Variants in SCLT1 observed in about 807,000 individuals in gnomAD.
SCLT1 encodes the protein sodium channel-associated protein 1.
A neutral mutation model predicts 112.8 loss-of-function variants in SCLT1; 78 were observed. The ratio of observed to expected loss-of-function variants is 0.69; its 90% CI spans 0.58 to 0.83. The LOEUF (loss-of-function observed/expected upper bound fraction) is 0.83, where lower values mean the gene tolerates loss of function less well. SCLT1 is among the 40% of genes least tolerant of loss of function. The pLI is 0.00. For synonymous variants in SCLT1, 257 were observed against 254.7 expected, an observed-to-expected ratio of 1.01 and a Z score of -0.09; for missense variants, 747 against 770.4, an observed-to-expected ratio of 0.97 and a Z score of 0.36.
At chr4:129,079,731 A>G (rs901576303) in intron 2 of SCLT1, among the ~76,000 whole-genome samples, 1 of 152,254 alleles carries the variant, frequency 6.6e-6, no homozygotes. Context: ...GGCAGTGTCC[A>G]GTGTGGATTC....
rs933970851 is a variant in SCLT1, at chr4:129,088,387, C to G, written c.34+4683G>C. Reference sequence around the variant, plus strand: ...AGGAACATTCTCAACATAAGAACGTCTATGAAAAACCTACAACTAGTATCA... The same window carrying G: ...AGGAACATTCTCAACATAAGAACGTGTATGAAAAACCTACAACTAGTATCA... On this transcript the variant is annotated intron_variant, in intron 1 of 20. Transcript: ENST00000281142. Among the ~76,000 whole-genome samples the G allele has an allele frequency of 8.5e-5, 13 of 152,260 alleles. No individual in the cohort carries two copies. In the South Asian group the frequency reaches 2.3e-3, roughly 27 times the overall value.
At chr4:128,881,378 T>G (rs975728516), downstream of SCLT1, among the ~76,000 whole-genome samples, 19 of 152,338 alleles carry the variant, frequency 1.2e-4, no homozygotes, top group Non-Finnish European at 2.2e-4. Context: ...TTTCTTGATT[T>G]GAGAGTTGGT....
At chr4:128,961,340 T>G (rs2126017222) in intron 11 of SCLT1, among the ~76,000 whole-genome samples, 1 of 152,286 alleles carries the variant, frequency 6.6e-6, no homozygotes, top group East Asian at 1.9e-4. Context: ...ATTTAAATAC[T>G]CCTATTATCA....
chr4:129,053,302 T>C (rs1019638052), intron 2 of SCLT1, among the ~76,000 whole-genome samples: 34 of 152,140 alleles, frequency 2.2e-4, no homozygotes, highest in African/African-American at 8.0e-4. Flanking sequence ...TTCTGTCTTA[T>C]CGATCTGTCT....
intron 5 of SCLT1, among the ~76,000 whole-genome samples, chr4:129,006,662 G>A (rs1409868295): frequency 6.6e-6 from 1 of 151,942 alleles, no homozygotes; most frequent in African/African-American, 2.4e-5. Context: ...TTCATACAAA[G>A]GAAGGACTAC....
chr4:129,072,102 G>A (rs1378207823), intron 2 of SCLT1, among the ~76,000 whole-genome samples: 1 of 152,038 alleles, frequency 6.6e-6, no homozygotes, highest in Non-Finnish European at 1.5e-5. Flanking sequence ...TAAAATCTTG[G>A]CTGATAATTG....
chr4:128,899,202 C>G (rs548466803), intron 18 of SCLT1, among the ~76,000 whole-genome samples: 2 of 152,278 alleles, frequency 1.3e-5, no homozygotes, highest in African/African-American at 2.4e-5. Context: ...GATACCAAAG[C>G]CTGGCAGAGA....
Position 129,049,963 on chromosome 4 carries a change from C to T in SCLT1, c.103-5912G>A, listed in dbSNP as rs147320779. Among the ~76,000 whole-genome samples the T allele has an allele frequency of 7.2e-5, 11 of 152,236 alleles. No homozygotes were observed. In the East Asian group the frequency reaches 2.1e-3, roughly 29 times the overall value. ...GTCCCTGTGTTGTCATTGTTCAACTCCCACTTATGAGTGAAAACATGCAGT... is the reference window on the plus strand; with the variant it reads ...GTCCCTGTGTTGTCATTGTTCAACTTCCACTTATGAGTGAAAACATGCAGT... On this transcript the variant is annotated intron_variant, in intron 2 of 20. Transcript: ENST00000281142.
At chr4:128,958,966 T>C (rs1192905627) in intron 12 of SCLT1, among the ~76,000 whole-genome samples, 2 of 152,128 alleles carry the variant, frequency 1.3e-5, no homozygotes, top group Non-Finnish European at 2.9e-5. Flanking sequence ...AGGCATTCGA[T>C]GAATGTTGGT....
intron 1 of SCLT1, among the ~76,000 whole-genome samples, chr4:129,083,315 G>A (rs72926084): frequency 0.014 from 2,194 of 151,646 alleles, 48 homozygotes; most frequent in African/African-American, 0.044. Flanking sequence ...GCAATCACAC[G>A]TTCTTTTCAA....
At chr4:129,050,064 T>G (rs1004724645) in intron 2 of SCLT1, among the ~76,000 whole-genome samples, 1 of 152,198 alleles carries the variant, frequency 6.6e-6, no homozygotes, top group East Asian at 1.9e-4. Flanking sequence ...GCAAAGCACA[T>G]GAACTCATTC....
intron 5 of SCLT1, chr4:129,037,248 C>A (rs534854868): frequency 6.6e-6 from 1 of 152,056 alleles, no homozygotes; most frequent in East Asian, 1.9e-4. Flanking sequence ...GTTGTATGAA[C>A]CACTGGCACT....
chr4:129,080,837 GA>G (rs1425438144), intron 2 of SCLT1, among the ~76,000 whole-genome samples: 1 of 151,988 alleles, frequency 6.6e-6, no homozygotes, highest in Non-Finnish European at 1.5e-5. Flanking sequence ...AATTTATAAA[GA>G]AAAAAAGGTT....
At chr4:128,967,248 A>G (rs1432600814) in intron 10 of SCLT1, among the ~76,000 whole-genome samples, 3 of 152,138 alleles carry the variant, frequency 2.0e-5, no homozygotes, top group Non-Finnish European at 4.4e-5. Context: ...TTCTTTATCC[A>G]GTCTGCTGCT....
At chr4:129,035,131 G>T (rs1747070142) in intron 5 of SCLT1, among the ~76,000 whole-genome samples, 1 of 152,096 alleles carries the variant, frequency 6.6e-6, no homozygotes, top group African/African-American at 2.4e-5. Flanking sequence ...TATAGTTCCA[G>T]ATTTGCTTCA....
In SCLT1 at chr4:128,946,139, C is replaced by T. The variant is rs747760423; in HGVS notation, c.1307G>A (p.Gly436Asp). The T allele has an allele frequency of 1.9e-6, 3 of 1,604,038 alleles. No homozygotes were observed. Among genetic ancestry groups the T allele is most frequent in the East Asian group, 4.5e-5 (2 of 44,730 alleles). ...TCTGTAATCACTCTCATTTCCTCTG[C>T]CTTCACGGTAAATCTGCAGAAAAGG... Reference protein sequence around the residue: ...EEELEKIYREGRGNESDYRKL... With the variant: ...EEELEKIYREDRGNESDYRKL... Residue 436 changes from glycine to aspartate, a missense_variant, in exon 16 of 21, where the codon GGC becomes GAC. Gly to Asp is a moderately conservative substitution (Grantham distance 94, BLOSUM62 -1). Coordinates refer to ENST00000281142, the MANE Select transcript of SCLT1 (RefSeq NM_144643.4).
intron 2 of SCLT1, among the ~76,000 whole-genome samples, chr4:129,049,305 A>C (rs1400083723): frequency 6.6e-6 from 1 of 152,058 alleles, no homozygotes; most frequent in Admixed American, 6.6e-5. Flanking sequence ...CAGCCATAAA[A>C]AATGATGAGT....
At chr4:129,037,523 C>T (rs1258621530) in intron 5 of SCLT1, 15 of 152,132 alleles carry the variant, frequency 9.9e-5, no homozygotes, top group Admixed American at 9.8e-4. Context: ...TATCAAGTCT[C>T]CAGTTTTATG....
intron 5 of SCLT1, among the ~76,000 whole-genome samples, chr4:129,006,537 CAAA>C (rs57162820): frequency 0.011 from 1,449 of 133,482 alleles, 19 homozygotes; most frequent in African/African-American, 0.031. Context: ...GACTCTGTCT[CAAA>C]AAAAAAAAAA....
Sources: gnomAD v4.1 joint callset for allele counts (sites outside exome capture counted in the v4.1 genomes callset) on GRCh38, gnomAD v4.1.1 for gene constraint, MANE v1.5 for transcripts, NCBI Gene and HGNC (gene_info 2026-07-23, HGNC 2026-07-21) for gene names.